EXTL3: variants seen among roughly 807,000 people sequenced by gnomAD.
EXTL3 encodes the protein exostosin-like 3.
A neutral mutation model predicts 69.3 loss-of-function variants in EXTL3; 27 were observed. That is an observed-to-expected ratio of 0.39 (90% CI 0.29 to 0.54). EXTL3 has a LOEUF of 0.54. EXTL3 is among the 20% of genes least tolerant of loss of function. The probability of loss-of-function intolerance (pLI) is 0.69; values close to 1 mark genes in which losing one functional copy is unlikely to be tolerated. For missense variants in EXTL3, 1,003 were observed against 1,231.8 expected, an observed-to-expected ratio of 0.81 and a Z score of 2.78; for synonymous variants, 511 against 499.4, an observed-to-expected ratio of 1.02 and a Z score of -0.31.
At chr8:28,734,873 T>A (rs550769238) in intron 4 of EXTL3, among the ~76,000 whole-genome samples, 1 of 152,362 alleles carries the variant, frequency 6.6e-6, no homozygotes, top group African/African-American at 2.4e-5. Context: ...CTTAGGCTTG[T>A]AAGAGCAGAT....
At chr8:28,657,672 A>G (rs1807033197) in intron 1 of EXTL3, among the ~76,000 whole-genome samples, 1 of 151,824 alleles carries the variant, frequency 6.6e-6, no homozygotes, top group East Asian at 1.9e-4. Flanking sequence ...GCTTTGTAAG[A>G]GTCATCTGTG....
intron 1 of EXTL3, among the ~76,000 whole-genome samples, chr8:28,661,768 C>A (rs1735573481): frequency 6.6e-6 from 1 of 151,758 alleles, no homozygotes; most frequent in Admixed American, 6.6e-5. Flanking sequence ...ACCTGTACTC[C>A]CAGCTACTCA....
At chr8:28,739,058 G>A (rs1262002943) in intron 5 of EXTL3, among the ~76,000 whole-genome samples, 1 of 152,136 alleles carries the variant, frequency 6.6e-6, no homozygotes, top group Non-Finnish European at 1.5e-5. Flanking sequence ...CACACACAAG[G>A]TTTTGAGGCT....
chr8:28,682,330 T>C (rs184381873), intron 1 of EXTL3, among the ~76,000 whole-genome samples: 10 of 152,354 alleles, frequency 6.6e-5, no homozygotes, highest in Admixed American at 6.5e-4. Flanking sequence ...TGAGTTCTTA[T>C]ATATTTCGGC....
intron 1 of EXTL3, among the ~76,000 whole-genome samples, chr8:28,707,037 G>A (rs1800938323): frequency 6.6e-6 from 1 of 151,848 alleles, no homozygotes; most frequent in Non-Finnish European, 1.5e-5. Context: ...ACTTATTTTT[G>A]GATTTGGTTT....
chr8:28,705,111 A>T (rs1345727149), intron 1 of EXTL3, among the ~76,000 whole-genome samples: 2 of 152,174 alleles, frequency 1.3e-5, no homozygotes, highest in Non-Finnish European at 2.9e-5. Flanking sequence ...AACGAGAAGG[A>T]GGTCTTGGGA....
At chr8:28,672,517 A>G (rs1807313184) in intron 1 of EXTL3, among the ~76,000 whole-genome samples, 1 of 152,056 alleles carries the variant, frequency 6.6e-6, no homozygotes, top group African/African-American at 2.4e-5. Flanking sequence ...AGGTGTAGCA[A>G]TTGTACTCTT....
At chr8:28,622,548 G>A (rs907411831), upstream of EXTL3, among the ~76,000 whole-genome samples, 10 of 150,842 alleles carry the variant, frequency 6.6e-5, no homozygotes, top group Non-Finnish European at 1.3e-4. Flanking sequence ...GGGAGCCGAC[G>A]CGGAGGCGGT....
upstream of EXTL3, among the ~76,000 whole-genome samples, chr8:28,619,108 A>C (rs908966350): frequency 6.0e-5 from 9 of 148,922 alleles, no homozygotes; most frequent in African/African-American, 1.7e-4. Flanking sequence ...AAAAAAAAAA[A>C]AAAAAAAACA....
At chr8:28,613,869 G>A (rs913242831) in intron 2 of EXTL3, among the ~76,000 whole-genome samples, 2 of 151,626 alleles carry the variant, frequency 1.3e-5, no homozygotes, top group African/African-American at 4.8e-5. Flanking sequence ...TAGAGACAGG[G>A]TCTCACTTGG....
At chr8:28,722,663 T>G (rs888278930) in intron 3 of EXTL3, among the ~76,000 whole-genome samples, 1 of 151,094 alleles carries the variant, frequency 6.6e-6, no homozygotes, top group Non-Finnish European at 1.5e-5. Flanking sequence ...TAATCCAGGC[T>G]CTTGGGAAGC....
At chr8:28,651,079 T>A (rs1194007318) in intron 1 of EXTL3, among the ~76,000 whole-genome samples, 2 of 152,014 alleles carry the variant, frequency 1.3e-5, no homozygotes, top group African/African-American at 4.8e-5. Context: ...TTTGCACTGT[T>A]ACCGGATTAA....
chr8:28,643,452 T>A (rs1436112036), intron 1 of EXTL3, among the ~76,000 whole-genome samples: 1 of 150,948 alleles, frequency 6.6e-6, no homozygotes, highest in Non-Finnish European at 1.5e-5. Flanking sequence ...TCTCGCTCTT[T>A]CGCCCAGGCC....
In EXTL3 at chr8:28,753,128, C is replaced by T. The variant is rs1802044421; in HGVS notation, c.*2262C>T. The stretch of plus-strand genomic sequence containing the variant: ...CAGCCCTCCTTGACCCTGAAAGGAA[C>T]ACTGGCTTGAAGGACTGCAGACAGG... On this transcript the variant is annotated 3_prime_UTR_variant, in exon 7 of 7. Transcript: ENST00000220562. The T allele has an allele frequency of 6.6e-6, 1 of 152,306 alleles. No individual in the cohort carries two copies. The highest frequency in any genetic ancestry group is 2.4e-5 in the African/African-American group (1 of 41,468). 9.4% of individuals were successfully genotyped at this position (152,306 alleles called of 1,614,324 possible). A position where few individuals can be genotyped will look rare whatever the true frequency, so the allele number is the denominator to read the frequency against.
chr8:28,647,332 T>C (rs988032223), intron 1 of EXTL3, among the ~76,000 whole-genome samples: 1 of 152,174 alleles, frequency 6.6e-6, no homozygotes, highest in Non-Finnish European at 1.5e-5. Flanking sequence ...CTCGAACTCC[T>C]GACCTCAGGT....
intron 2 of EXTL3, among the ~76,000 whole-genome samples, chr8:28,614,061 C>T (rs1259728674): frequency 6.6e-6 from 1 of 151,790 alleles, no homozygotes; most frequent in Non-Finnish European, 1.5e-5. Context: ...AAACTCCTGG[C>T]CTCAAGCAAT....
rs555768560 is a variant in EXTL3, at chr8:28,670,295, C to G, written c.-52-43162C>G. ...ATTTTTAGTGAGGTAGAAATTAAGG[C>G]AGCAAACAGTGATTTAGAAGGAATT... On this transcript the variant is annotated intron_variant, in intron 1 of 6. Coordinates refer to the EXTL3 transcript ENST00000523149. Among the ~76,000 whole-genome samples, 2 of 151,336 alleles carry G rather than the reference C, an allele frequency of 1.3e-5. 1 individual carries two copies. The highest frequency in any genetic ancestry group is 4.9e-5 in the African/African-American group (2 of 41,150).
Position 28,743,156 on chromosome 8 carries a change from G to A in EXTL3, c.2492G>A (p.Cys831Tyr). ...GACATGGTGGATGAATACATCAACT[G>A]TGAGGACATTGCCATGAACTTCCTT... ...IRDMVDEYIN[C>Y]EDIAMNFLVS... The change falls in exon 6 of 7, where the codon TGT becomes TAT. Residue 831 changes from cysteine (C) to tyrosine (Y), a missense_variant. Cys to Tyr is a radical substitution (Grantham distance 194). Transcript: ENST00000220562. 2 of 1,614,224 alleles carry A rather than the reference G, an allele frequency of 1.2e-6. No individual in the cohort carries two copies. The highest frequency in any genetic ancestry group is 1.7e-6 in the Non-Finnish European group (2 of 1,180,026).
At chr8:28,687,742 G>GAATT (rs778518438) in intron 1 of EXTL3, among the ~76,000 whole-genome samples, 1 of 152,134 alleles carries the variant, frequency 6.6e-6, no homozygotes, top group Non-Finnish European at 1.5e-5. Context: ...GGATGGTGGA[G>GAATT]AATTAAGACT....
Sources: allele counts gnomAD v4.1 joint callset (sites outside exome capture counted in the v4.1 genomes callset), GRCh38; gene constraint gnomAD v4.1.1; transcripts MANE v1.5; gene names NCBI Gene and HGNC (gene_info 2026-07-23, HGNC 2026-07-21).